Variants in NUAK2 observed in about 807,000 individuals in gnomAD.
NUAK2 encodes NUAK family SNF1-like kinase 2.
A neutral mutation model predicts 29.8 loss-of-function variants in NUAK2; 20 were observed. That is an observed-to-expected ratio of 0.67 (90% confidence interval 0.47 to 0.98). NUAK2 has a LOEUF of 0.98. Among genes scored for constraint, NUAK2 ranks in the 50% least tolerant of loss-of-function variants. The pLI is 0.00. For synonymous variants in NUAK2, 331 were observed against 342.6 expected, an observed-to-expected ratio of 0.97 and a Z score of 0.37; for missense variants, 719 against 834.5, an observed-to-expected ratio of 0.86 and a Z score of 1.71.
At chr1:205,319,921 C>CCATA (rs1366939638) in intron 1 of NUAK2, among the ~76,000 whole-genome samples, 7 of 114,994 alleles carry the variant, frequency 6.1e-5, no homozygotes, top group Admixed American at 4.7e-4. Context: ...ATAGGGCAAA[C>CCATA]CATACACACA....
intron 4 of NUAK2, 31 bp from the exon 5 acceptor site, chr1:205,306,338 T>C: frequency 6.3e-7 from 1 of 1,593,264 alleles, no homozygotes; most frequent in Non-Finnish European, 8.5e-7. Context: ...CGGGCACAGG[T>C]CATGTCAAGG....
rs1662096831 is a variant in NUAK2 at position 205,302,631 on chromosome 1, C to T, written c.*819G>A. 1 of 152,278 alleles carries T rather than the reference C, an allele frequency of 6.6e-6. No homozygotes were observed. Among genetic ancestry groups the T allele is most frequent in the Non-Finnish European group, 1.5e-5 (1 of 68,124 alleles). The allele number at this position is 152,278 out of a possible 1,614,324, so 9.4% of individuals were successfully genotyped here. A position where few individuals can be genotyped will look rare whatever the true frequency, so the allele number is the denominator to read the frequency against. ...GTTAGGTGGGGCGCGGTGGCTCACG[C>T]CTGTAATCCCAGCACTTTGGGAGGC... On this transcript the variant is annotated 3_prime_UTR_variant, in exon 7 of 7. Transcript: ENST00000367157.
chr1:205,321,317 A>G, intron 1 of NUAK2, 81 bp downstream of exon 1: 1 of 1,268,758 alleles, frequency 7.9e-7, no homozygotes, highest in Non-Finnish European at 1.1e-6. Flanking sequence ...GCAACGAGCG[A>G]GCCGCCGCCC....
In NUAK2 at chr1:205,304,542, T is replaced by C. The variant is rs749224864; in HGVS notation, c.824-29A>G. 2.0e-6 allele frequency: 3 copies of C among 1,478,394 alleles called. No individual in the cohort carries two copies. Among genetic ancestry groups the C allele is most frequent in the South Asian group, 1.4e-5 (1 of 70,986 alleles). 91.6% of individuals were successfully genotyped at this position (1,478,394 alleles called of 1,614,324 possible). A position where few individuals can be genotyped will look rare whatever the true frequency, so the allele number is the denominator to read the frequency against. ...GAAGACAAAAGGCAGGTGCTTCAGT[T>C]TGGCAGCTCCCAGAATAGGCACTCC... On this transcript the variant is annotated intron_variant, in intron 6 of 6. Coordinates refer to ENST00000367157, the MANE Select transcript of NUAK2 (RefSeq NM_030952.3). The surrounding 1 kb of genome is among the most constrained non-coding windows in gnomAD (Gnocchi z 6.5).
intron 1 of NUAK2, among the ~76,000 whole-genome samples, chr1:205,320,410 G>C (rs939289902): frequency 1.3e-5 from 2 of 152,108 alleles, no homozygotes; most frequent in African/African-American, 2.4e-5. Flanking sequence ...GACTACAGGC[G>C]TCCGCCACCA....
In NUAK2 at chr1:205,308,470, C is replaced by T. The variant is rs1405358876; in HGVS notation, c.504+111G>A. 1.1e-5 allele frequency: 14 copies of T among 1,241,510 alleles called. No individual in the cohort carries two copies. The highest frequency in any genetic ancestry group is 1.6e-5 in the Non-Finnish European group (14 of 873,742). The allele number at this position is 1,241,510 out of a possible 1,614,324, so 76.9% of individuals were successfully genotyped here. A position where few individuals can be genotyped will look rare whatever the true frequency, so the allele number is the denominator to read the frequency against. ...CTGAGAGTCCAGAATCTAGTTTTGCCTCTGTTTCTGTGTGATCCTGGACAA... is the reference window on the plus strand; with the variant it reads ...CTGAGAGTCCAGAATCTAGTTTTGCTTCTGTTTCTGTGTGATCCTGGACAA... On this transcript the variant is annotated intron_variant, in intron 3 of 6. Transcript: ENST00000367157. The surrounding 1 kb of genome is among the most constrained non-coding windows in gnomAD (Gnocchi z 4.1).
chr1:205,311,184 A>G (rs930265717), intron 2 of NUAK2, among the ~76,000 whole-genome samples: 4 of 152,072 alleles, frequency 2.6e-5, no homozygotes, highest in Non-Finnish European at 4.4e-5. Context: ...AGACAAGGAG[A>G]GGTAGGAGCC....
chr1:205,320,501 C>T (rs531520302), intron 1 of NUAK2, among the ~76,000 whole-genome samples: 38 of 152,224 alleles, frequency 2.5e-4, no homozygotes, highest in African/African-American at 7.5e-4. Context: ...CCTGACCTCA[C>T]GATCCGCCCG....
At chr1:205,320,250 TTGTTTCG>T in intron 1 of NUAK2, among the ~76,000 whole-genome samples, 1 of 151,136 alleles carries the variant, frequency 6.6e-6, no homozygotes, top group Non-Finnish European at 1.5e-5. Context: ...CTTTTTTTGT[TTGTTTCG>T]TTTTGTTTTG....
At position 205,304,021 on chromosome 1, in the gene NUAK2, G is replaced by C; in HGVS notation, c.1316C>G (p.Ala439Gly). 6.2e-7 allele frequency: 1 copy of C among 1,613,910 alleles called. No homozygotes were observed. Among genetic ancestry groups the C allele is most frequent in the Non-Finnish European group, 8.5e-7 (1 of 1,179,904 alleles). The change falls in exon 7 of 7, where the codon GCT becomes GGT. Residue 439 changes from alanine (A) to glycine (G), a missense_variant. Physicochemically the swap from Ala to Gly is moderately conservative, Grantham distance 60. Coordinates refer to ENST00000367157, the MANE Select transcript of NUAK2 (RefSeq NM_030952.3). The surrounding 1 kb of genome is among the most constrained non-coding windows in gnomAD (Gnocchi z 6.5). ...LSPIPASPGQ[A>G]APLLPKKGIL... ...GCCCTTCTTGGGGAGCAGGGGGGCA[G>C]CCTGCCCTGGGCTCGCAGGGATTGG...
chr1:205,321,310 A>G, intron 1 of NUAK2, 88 bp downstream of exon 1: 1 of 1,206,840 alleles, frequency 8.3e-7, no homozygotes, highest in Non-Finnish European at 1.1e-6. Context: ...CCGCCGAGCA[A>G]CGAGCGAGCC....
chr1:205,303,941 T>TGGGCTCGGGAGAGGAGTAGTAGCC lies in NUAK2; in HGVS notation c.1372_1395dup (p.Gly458_Pro465dup). The stretch of plus-strand genomic sequence containing the variant: ...GCGTCCAAGAGCTCCCCAGATTCAC[T>TGGGCTCGGGAGAGGAGTAGTAGCC]GGGCTCGGGAGAGGAGTAGTAGCCA... On this transcript the variant is annotated inframe_insertion, in exon 7 of 7. Transcript: ENST00000367157. 1 of 1,613,958 alleles carries TGGGCTCGGGAGAGGAGTAGTAGCC rather than the reference T, an allele frequency of 6.2e-7. No individual in the cohort carries two copies. Among genetic ancestry groups the TGGGCTCGGGAGAGGAGTAGTAGCC allele is most frequent in the South Asian group, 1.1e-5 (1 of 91,084 alleles).
In NUAK2 at chr1:205,303,717, T is replaced by A; in HGVS notation, c.1620A>T (p.Ser540=). 1 of 1,539,792 alleles carries A rather than the reference T, an allele frequency of 6.5e-7. No homozygotes were observed. The highest frequency in any genetic ancestry group is 2.3e-5 in the East Asian group (1 of 44,324). Residue 540 remains serine (S), a synonymous_variant, in exon 7 of 7, where the codon TCA becomes TCT. Transcript: ENST00000367157. ...GGATGCTGTCCTCGCTCACAGCCCC[T>A]GAGGGTCGGCTGGCCCGGGCCAGGG... ...PRPLARASRP[S]GAVSEDSILS...
intron 1 of NUAK2, among the ~76,000 whole-genome samples, chr1:205,317,485 C>G (rs1199107041): frequency 2.0e-5 from 3 of 152,168 alleles, no homozygotes; most frequent in East Asian, 1.9e-4. Flanking sequence ...CTAGGGGTGG[C>G]TCGCCATCCC....
chr1:205,305,552 T>A (rs1204887981), intron 5 of NUAK2: 1 of 981,540 alleles, frequency 1.0e-6, no homozygotes, highest in African/African-American at 1.8e-5. Context: ...TCTTCCGGGC[T>A]GGGGAAGGGG....
rs570980911 is a variant in NUAK2 at position 205,306,447 on chromosome 1, C to T, written c.571-140G>A. The T allele has an allele frequency of 1.7e-3, 1,879 of 1,089,930 alleles. 4 individuals are homozygous for T. The highest frequency in any genetic ancestry group is 2.0e-3 in the South Asian group (124 of 63,160). 67.5% of individuals were successfully genotyped at this position (1,089,930 alleles called of 1,614,324 possible). On this transcript the variant is annotated intron_variant, in intron 4 of 6. Coordinates refer to ENST00000367157, the MANE Select transcript of NUAK2 (RefSeq NM_030952.3). Reference sequence around the variant, plus strand: ...GGGTCCCCATGACCCTTACCCCACACTGAGCACTGTCAGCATAGCTCAGGC... The same window carrying T: ...GGGTCCCCATGACCCTTACCCCACATTGAGCACTGTCAGCATAGCTCAGGC...
At chr1:205,315,395 C>T (rs1358364389) in intron 1 of NUAK2, among the ~76,000 whole-genome samples, 1 of 152,190 alleles carries the variant, frequency 6.6e-6, no homozygotes, top group Non-Finnish European at 1.5e-5. Flanking sequence ...ACATAAATCG[C>T]AAATATTTAC....
In NUAK2 at chr1:205,303,415, AG is replaced by A. The variant is rs1662114117; in HGVS notation, c.*34del. The A allele has an allele frequency of 6.7e-7, 1 of 1,500,818 alleles. No homozygotes were observed. The highest frequency in any genetic ancestry group is 1.4e-5 in the African/African-American group (1 of 71,110). The allele number at this position is 1,500,818 out of a possible 1,614,324, so 93.0% of individuals were successfully genotyped here. ...CTCGGGGTGCAACCAGCTGCATCTGAGAGCCTGACCGGGCTGGGGCAATGCC... is the reference window on the plus strand; with the variant it reads ...CTCGGGGTGCAACCAGCTGCATCTGAAGCCTGACCGGGCTGGGGCAATGCC... On this transcript the variant is annotated 3_prime_UTR_variant, in exon 7 of 7. Coordinates refer to ENST00000367157, the MANE Select transcript of NUAK2 (RefSeq NM_030952.3).
chr1:205,307,884 A>G (rs770341978), intron 4 of NUAK2, among the ~76,000 whole-genome samples: 1 of 152,196 alleles, frequency 6.6e-6, no homozygotes, highest in Non-Finnish European at 1.5e-5. Context: ...TCAAAGGAGC[A>G]CTCATCTGGG....
Sources: allele counts gnomAD v4.1 joint callset (sites outside exome capture counted in the v4.1 genomes callset), GRCh38; gene constraint gnomAD v4.1.1; non-coding constraint Gnocchi (gnomAD v3.1); transcripts MANE v1.5; gene names NCBI Gene and HGNC (gene_info 2026-07-23, HGNC 2026-07-21).